TOM1L2: variants seen among roughly 807,000 people sequenced by gnomAD.
TOM1L2 encodes TOM1-like protein 2.
Under a neutral mutation model 67.9 loss-of-function variants are expected in TOM1L2, and 31 were observed. The observed-to-expected ratio is 0.46, with a 90% CI of 0.34 to 0.62. The LOEUF is 0.62. Among genes scored for constraint, TOM1L2 ranks in the 20% least tolerant of loss-of-function variants. The pLI is 0.01. For missense variants in TOM1L2, 606 were observed against 663.5 expected, an observed-to-expected ratio of 0.91 and a Z score of 0.95; for synonymous variants, 256 against 254.0, an observed-to-expected ratio of 1.01 and a Z score of -0.07.
intron 1 of TOM1L2, among the ~76,000 whole-genome samples, chr17:17,961,586 T>C (rs2041679685): frequency 6.6e-6 from 1 of 150,446 alleles, no homozygotes; most frequent in South Asian, 2.1e-4. Flanking sequence ...TAAAAAAAAA[T>C]TGAAGGGCCG....
At chr17:17,854,911 T>C (rs1056791779) in intron 12 of TOM1L2, among the ~76,000 whole-genome samples, 1 of 152,022 alleles carries the variant, frequency 6.6e-6, no homozygotes, top group African/African-American at 2.4e-5. Context: ...AAGAAGCGTA[T>C]GAGTTGGAAG....
rs568158413 is a variant in TOM1L2, at chr17:17,960,969, GAC to G, written c.52+11291_52+11292del. Reference sequence around the variant, plus strand: ...GACTTAAAACTTTTGTGCATTAAAGGACACTATAAACAGAGTATAAAAAGGCA... The same window carrying G: ...GACTTAAAACTTTTGTGCATTAAAGGACTATAAACAGAGTATAAAAAGGCA... On this transcript the variant is annotated intron_variant, in intron 1 of 14. Coordinates refer to ENST00000379504, the MANE Select transcript of TOM1L2 (RefSeq NM_001082968.2). 1.7e-4 allele frequency among the ~76,000 whole-genome samples: 26 copies of G among 152,216 alleles called. 2 individuals carry two copies. In the South Asian group the frequency reaches 5.2e-3, roughly 30 times the overall value.
At position 17,847,425 on chromosome 17, in the gene TOM1L2, T is replaced by G; in HGVS notation, c.*210A>C. On this transcript the variant is annotated 3_prime_UTR_variant, in exon 15 of 15. Transcript: ENST00000379504. ...GCCCATGGTGGGAGGGGAGAGAGTC[T>G]CTGGCTGCAGTTGTCCCACCACTCA... 1.6e-6 allele frequency: 1 copy of G among 630,774 alleles called. No homozygotes were observed. The highest frequency in any genetic ancestry group is 2.7e-6 in the Non-Finnish European group (1 of 376,752). The allele number at this position is 630,774 out of a possible 1,614,324, so 39.1% of individuals were successfully genotyped here. A position where few individuals can be genotyped will look rare whatever the true frequency, so the allele number is the denominator to read the frequency against.
chr17:17,882,727 G>C lies in TOM1L2; in HGVS notation c.638C>G (p.Pro213Arg). 2 of 1,614,184 alleles carry C rather than the reference G, an allele frequency of 1.2e-6. No homozygotes were observed. Among genetic ancestry groups the C allele is most frequent in the South Asian group, 1.1e-5 (1 of 91,078 alleles). ...TACCTGTTCTGAATTGGCTGTGATG[G>C]GGCCAGTCACACTCAGAGCTGGGGC... ...PQAPALSVTG[P>R]ITANSEQIAR... is the part of the protein sequence containing the mutation. Residue 213 changes from proline to arginine, a missense_variant, in exon 6 of 15, where the codon CCC (proline) becomes CGC (arginine). By Grantham distance (103) the Pro-to-Arg change is moderately radical. Coordinates refer to ENST00000379504, the MANE Select transcript of TOM1L2 (RefSeq NM_001082968.2).
intron 1 of TOM1L2, among the ~76,000 whole-genome samples, chr17:17,938,168 T>C (rs530404394): frequency 2.0e-5 from 3 of 152,274 alleles, no homozygotes; most frequent in Admixed American, 6.5e-5. Flanking sequence ...GGGAGGCAGT[T>C]AGATCCAATT....
intron 10 of TOM1L2, among the ~76,000 whole-genome samples, chr17:17,865,594 G>T (rs942695946): frequency 6.6e-6 from 1 of 151,912 alleles, no homozygotes; most frequent in Non-Finnish European, 1.5e-5. Flanking sequence ...GGCCAGGCTG[G>T]TCTCAAACTC....
chr17:17,904,664 G>A (rs1360965198), intron 2 of TOM1L2, among the ~76,000 whole-genome samples: 1 of 152,126 alleles, frequency 6.6e-6, no homozygotes. Flanking sequence ...CCACCTCTAG[G>A]GTAAAGTGCA....
chr17:17,961,041 A>C (rs2041656966), intron 1 of TOM1L2, among the ~76,000 whole-genome samples: 1 of 152,336 alleles, frequency 6.6e-6, no homozygotes, highest in East Asian at 1.9e-4. Flanking sequence ...ATGTCTGATA[A>C]GAGATTAATA....
At chr17:17,932,207 A>G (rs965126453) in intron 1 of TOM1L2, among the ~76,000 whole-genome samples, 1 of 152,232 alleles carries the variant, frequency 6.6e-6, no homozygotes, top group African/African-American at 2.4e-5. Context: ...TCTATGGAAA[A>G]AGCTAATTTC....
intron 7 of TOM1L2, among the ~76,000 whole-genome samples, chr17:17,872,627 G>A (rs1011879657): frequency 6.6e-6 from 1 of 152,228 alleles, no homozygotes; most frequent in African/African-American, 2.4e-5. Flanking sequence ...GCCACCGTGC[G>A]GGTCTCCTCC....
intron 9 of TOM1L2, 70 bp from the exon 10 acceptor site, chr17:17,866,489 G>T: frequency 6.7e-7 from 1 of 1,493,188 alleles, no homozygotes; most frequent in Non-Finnish European, 8.9e-7. Context: ...AAGCTGGCAA[G>T]GCAACTATGC....
intron 1 of TOM1L2, among the ~76,000 whole-genome samples, chr17:17,942,454 C>A (rs1026769418): frequency 6.6e-6 from 1 of 152,150 alleles, no homozygotes; most frequent in African/African-American, 2.4e-5. Context: ...ATATACTTCG[C>A]AGGATTACTA....
At chr17:17,883,726 TC>T (rs2037848214) in intron 5 of TOM1L2, among the ~76,000 whole-genome samples, 1 of 152,078 alleles carries the variant, frequency 6.6e-6, no homozygotes, top group Non-Finnish European at 1.5e-5. Flanking sequence ...ACAGCAAGAC[TC>T]CGACTCAAAA....
intron 4 of TOM1L2, among the ~76,000 whole-genome samples, chr17:17,891,228 C>T (rs1322959560): frequency 6.6e-6 from 1 of 152,210 alleles, no homozygotes; most frequent in East Asian, 1.9e-4. Context: ...TGGTGCTGGC[C>T]ACTTCACACC....
At chr17:17,916,267 G>T (rs892193157) in intron 1 of TOM1L2, among the ~76,000 whole-genome samples, 2 of 152,000 alleles carry the variant, frequency 1.3e-5, no homozygotes, top group Non-Finnish European at 2.9e-5. Context: ...TAGAGACGGG[G>T]TTTCACTGTG....
chr17:17,969,514 G>A (rs73303831), intron 1 of TOM1L2, among the ~76,000 whole-genome samples: 5,955 of 150,230 alleles, frequency 0.04, 407 homozygotes, highest in African/African-American at 0.14. Context: ...ACAACAGTAC[G>A]GAATATACAT....
intron 1 of TOM1L2, among the ~76,000 whole-genome samples, chr17:17,949,661 A>G (rs2041102760): frequency 6.6e-6 from 1 of 152,214 alleles, no homozygotes; most frequent in Non-Finnish European, 1.5e-5. Context: ...CAGATGAGAC[A>G]GCCATCCTGG....
intron 1 of TOM1L2, among the ~76,000 whole-genome samples, chr17:17,908,596 A>G (rs1598312234): frequency 6.6e-6 from 1 of 152,230 alleles, no homozygotes; most frequent in South Asian, 2.1e-4. Flanking sequence ...TAACAAAAAA[A>G]CCCAAACTAT....
rs777316694 is a variant in TOM1L2, at chr17:17,958,089, C to CAA, written c.52+14171_52+14172dup. Among the ~76,000 whole-genome samples the CAA allele has an allele frequency of 5.4e-5, 6 of 111,286 alleles. No individual in the cohort carries two copies. The East Asian group carries it at 8.1e-4, about 15-fold the overall frequency. The allele number at this position is 111,286 out of a possible 152,430, so 73.0% of individuals were successfully genotyped here. A position where few individuals can be genotyped will look rare whatever the true frequency, so the allele number is the denominator to read the frequency against. On this transcript the variant is annotated intron_variant, in intron 1 of 14. Transcript: ENST00000379504. ...TGGGCAACAGAGCAAGACTCTGTCTCAAAAAAAAAAAAAAGAAAAGAAAAA... is the reference window on the plus strand; with the variant it reads ...TGGGCAACAGAGCAAGACTCTGTCTCAAAAAAAAAAAAAAAAGAAAAGAAAAA...
Sources: gnomAD v4.1 joint callset for allele counts (sites outside exome capture counted in the v4.1 genomes callset) on GRCh38, gnomAD v4.1.1 for gene constraint, MANE v1.5 for transcripts, NCBI Gene and HGNC (gene_info 2026-07-23, HGNC 2026-07-21) for gene names.